The following LRRC4C variants were observed in gnomAD, a reference collection of about 807,000 sequenced individuals.
The protein encoded by LRRC4C is leucine-rich repeat-containing protein 4C.
In LRRC4C, 5 loss-of-function variants were observed where a neutral mutation model predicts 33.6. The observed-to-expected ratio is 0.15, with a 90% CI of 0.08 to 0.31. The LOEUF (loss-of-function observed/expected upper bound fraction) is 0.31, where lower values mean the gene tolerates loss of function less well. LRRC4C is among the 10% of genes least tolerant of loss of function. The probability of loss-of-function intolerance (pLI) is 1.00; values close to 1 mark genes in which losing one functional copy is unlikely to be tolerated. For missense variants in LRRC4C, 560 were observed against 796.7 expected, an observed-to-expected ratio of 0.70 and a Z score of 3.58; for synonymous variants, 329 against 302.0, an observed-to-expected ratio of 1.09 and a Z score of -0.93.
At chr11:40,402,128 AG>A (rs1436480728) in intron 3 of LRRC4C, among the ~76,000 whole-genome samples, 1 of 152,090 alleles carries the variant, frequency 6.6e-6, no homozygotes, top group Admixed American at 6.6e-5. Context: ...GAAAAGGAAA[AG>A]GGTTCAAAGA....
At chr11:40,320,517 C>T (rs568020695) in intron 3 of LRRC4C, among the ~76,000 whole-genome samples, 1 of 151,820 alleles carries the variant, frequency 6.6e-6, no homozygotes, top group African/African-American at 2.4e-5. Context: ...AAAATAAATA[C>T]ATAAATAAAT....
At chr11:41,319,778 T>G (rs1158536093) in intron 1 of LRRC4C, among the ~76,000 whole-genome samples, 1 of 152,262 alleles carries the variant, frequency 6.6e-6, no homozygotes, top group African/African-American at 2.4e-5. Flanking sequence ...CTGGAACTCC[T>G]GGGCTCAAGG....
At chr11:40,578,637 T>A (rs1489059623) in intron 3 of LRRC4C, among the ~76,000 whole-genome samples, 1 of 152,150 alleles carries the variant, frequency 6.6e-6, no homozygotes, top group East Asian at 1.9e-4. Context: ...ACTATTCTAT[T>A]TGTGGTAGAG....
chr11:41,246,036 C>T (rs1452474138), intron 1 of LRRC4C, among the ~76,000 whole-genome samples: 1 of 152,152 alleles, frequency 6.6e-6, no homozygotes, highest in East Asian at 1.9e-4. Flanking sequence ...AGCCCAAGCC[C>T]CAGGCCTCAG....
At chr11:40,904,931 C>T (rs548779518) in intron 2 of LRRC4C, among the ~76,000 whole-genome samples, 3 of 152,228 alleles carry the variant, frequency 2.0e-5, no homozygotes, top group South Asian at 2.1e-4. Flanking sequence ...TGATAAACCA[C>T]GCTCAAGAGG....
chr11:40,885,385 C>T (rs12292753), intron 2 of LRRC4C, among the ~76,000 whole-genome samples: 11,107 of 152,030 alleles, frequency 0.073, 517 homozygotes, highest in Admixed American at 0.16. Context: ...ACACAGACAC[C>T]AGGCCACACC....
intron 2 of LRRC4C, among the ~76,000 whole-genome samples, chr11:40,794,239 C>T (rs751482558): frequency 2.0e-5 from 3 of 151,786 alleles, no homozygotes; most frequent in Non-Finnish European, 4.4e-5. Context: ...AAAGGACAAG[C>T]AATACATTCT....
intron 4 of LRRC4C, among the ~76,000 whole-genome samples, chr11:40,311,409 C>T (rs922597534): frequency 2.0e-5 from 3 of 152,142 alleles, no homozygotes; most frequent in Admixed American, 6.5e-5. Context: ...GTTCAGTAAA[C>T]GTGTACTTAA....
chr11:41,337,363 A>G (rs1951490065), intron 1 of LRRC4C, among the ~76,000 whole-genome samples: 1 of 152,182 alleles, frequency 6.6e-6, no homozygotes, highest in South Asian at 2.1e-4. Context: ...AATCTTAAAG[A>G]CAAACAAAAC....
intron 5 of LRRC4C, among the ~76,000 whole-genome samples, chr11:40,185,966 C>G (rs1590649386): frequency 6.6e-6 from 1 of 152,300 alleles, no homozygotes; most frequent in South Asian, 2.1e-4. Context: ...CAATGCCAAG[C>G]AGTATCACTT....
chr11:40,633,879 G>A (rs577182115), intron 3 of LRRC4C, among the ~76,000 whole-genome samples: 1 of 152,152 alleles, frequency 6.6e-6, no homozygotes, highest in Non-Finnish European at 1.5e-5. Flanking sequence ...AAAAATCAAT[G>A]AAGTTATAAA....
intron 1 of LRRC4C, among the ~76,000 whole-genome samples, chr11:41,232,044 G>T (rs117503110): frequency 6.6e-6 from 1 of 151,786 alleles, no homozygotes; most frequent in Non-Finnish European, 1.5e-5. Context: ...TGTTTTTAGT[G>T]TCATGTTTTC....
intron 3 of LRRC4C, among the ~76,000 whole-genome samples, chr11:40,502,368 T>C (rs1418899839): frequency 6.6e-6 from 1 of 152,162 alleles, no homozygotes; most frequent in Non-Finnish European, 1.5e-5. Context: ...ACTGTATTCA[T>C]TCATTTTCAT....
intron 1 of LRRC4C, among the ~76,000 whole-genome samples, chr11:41,347,142 T>C (rs189872949): frequency 4.3e-4 from 66 of 152,302 alleles, no homozygotes; most frequent in African/African-American, 1.3e-3. Flanking sequence ...CTTCCACACG[T>C]TATGGTAGTA....
At chr11:40,254,732 A>G (rs368754292) in intron 4 of LRRC4C, among the ~76,000 whole-genome samples, 32 of 152,324 alleles carry the variant, frequency 2.1e-4, no homozygotes, top group African/African-American at 5.8e-4. Flanking sequence ...TACAACAAAC[A>G]AAATGTCTTG....
In LRRC4C at chr11:40,406,146, T is replaced by A. The variant is rs1448886845; in HGVS notation, c.-269-86425A>T. ...ATTTTCTAAAGCTATAGTAAACTGC[T>A]ATTTACTTCTTAGAACATCCACCAG... On this transcript the variant is annotated intron_variant, in intron 3 of 6. Coordinates refer to ENST00000528697, the MANE Select transcript of LRRC4C (RefSeq NM_001258419.2). Among the ~76,000 whole-genome samples the A allele has an allele frequency of 5.3e-5, 8 of 152,174 alleles. No homozygotes were observed. In the East Asian group the frequency reaches 1.5e-3, roughly 29 times the overall value.
intron 1 of LRRC4C, among the ~76,000 whole-genome samples, chr11:41,297,235 C>T (rs1950168638): frequency 6.6e-6 from 1 of 152,080 alleles, no homozygotes; most frequent in South Asian, 2.1e-4. Context: ...GAATAAACCC[C>T]ACTTGGTCAC....
intron 2 of LRRC4C, among the ~76,000 whole-genome samples, chr11:40,724,580 T>TA (rs1229100729): frequency 6.6e-6 from 1 of 152,074 alleles, no homozygotes; most frequent in Non-Finnish European, 1.5e-5. Context: ...AAACACTACA[T>TA]ACCAAAATCT....
intron 3 of LRRC4C, among the ~76,000 whole-genome samples, chr11:40,332,013 A>G (rs1240634497): frequency 6.6e-6 from 1 of 152,264 alleles, no homozygotes; most frequent in Non-Finnish European, 1.5e-5. Flanking sequence ...CCCAAGTGCC[A>G]TAACATGTAA....
Sources: allele counts gnomAD v4.1 joint callset (sites outside exome capture counted in the v4.1 genomes callset), GRCh38; gene constraint gnomAD v4.1.1; transcripts MANE v1.5; gene names NCBI Gene and HGNC (gene_info 2026-07-23, HGNC 2026-07-21).